The following MAD1L1 variants were observed in gnomAD, a reference collection of about 807,000 sequenced individuals.
The protein encoded by MAD1L1 is mitotic arrest deficient 1 like 1, also known as mitotic spindle assembly checkpoint protein MAD1.
MAD1L1 carries 95 observed loss-of-function variants against 96.9 expected under a neutral mutation model. That is an observed-to-expected ratio of 0.98 (90% CI 0.83 to 1.16). MAD1L1 has a LOEUF of 1.16. Among genes scored for constraint, MAD1L1 ranks in the 50% most tolerant of loss-of-function variants. The pLI, the probability that MAD1L1 is intolerant of heterozygous loss-of-function variation, is 0.00. For synonymous variants in MAD1L1, 473 were observed against 396.6 expected, an observed-to-expected ratio of 1.19 and a Z score of -2.29; for missense variants, 1,007 against 954.4, an observed-to-expected ratio of 1.06 and a Z score of -0.73.
chr7:1,963,882 G>A (rs541424555), intron 15 of MAD1L1, among the ~76,000 whole-genome samples: 2 of 152,296 alleles, frequency 1.3e-5, no homozygotes, highest in Admixed American at 6.5e-5. Flanking sequence ...ACCGTCTCTC[G>A]GCAGGGTGGC....
chr7:1,971,487 TTTATG>T (rs1426701792), intron 15 of MAD1L1, among the ~76,000 whole-genome samples: 7 of 152,098 alleles, frequency 4.6e-5, no homozygotes. Context: ...TGGGGAAGTG[TTTATG>T]TTATAATATA....
At chr7:2,187,129 C>T (rs1024610619) in intron 10 of MAD1L1, among the ~76,000 whole-genome samples, 1 of 151,998 alleles carries the variant, frequency 6.6e-6, no homozygotes, top group African/African-American at 2.4e-5. Flanking sequence ...AAGTGGATCA[C>T]TTGAGGTCAG....
intron 12 of MAD1L1, among the ~76,000 whole-genome samples, chr7:2,016,414 C>T (rs1014645394): frequency 5.3e-5 from 8 of 152,212 alleles, no homozygotes; most frequent in African/African-American, 1.7e-4. Context: ...AAGACCCCCA[C>T]CCAGAAGCGG....
At chr7:2,149,978 C>T (rs1052309634) in intron 10 of MAD1L1, among the ~76,000 whole-genome samples, 1 of 152,230 alleles carries the variant, frequency 6.6e-6, no homozygotes, top group Non-Finnish European at 1.5e-5. Context: ...TAGACTGACC[C>T]AGTGGCATGT....
At chr7:2,199,581 T>G (rs1321438033) in intron 10 of MAD1L1, among the ~76,000 whole-genome samples, 1 of 152,272 alleles carries the variant, frequency 6.6e-6, no homozygotes, top group Non-Finnish European at 1.5e-5. Flanking sequence ...TTTCGATTCC[T>G]AAATCAGCAG....
chr7:2,157,269 C>A (rs948074940), intron 10 of MAD1L1, among the ~76,000 whole-genome samples: 1 of 152,198 alleles, frequency 6.6e-6, no homozygotes, highest in African/African-American at 2.4e-5. Context: ...CCTGGCTCCA[C>A]TGACCACTCC....
intron 16 of MAD1L1, among the ~76,000 whole-genome samples, chr7:1,956,800 C>A (rs1032357051): frequency 1.3e-5 from 2 of 152,266 alleles, no homozygotes; most frequent in Non-Finnish European, 2.9e-5. Context: ...ACCGCACTCA[C>A]CCACACCCCT....
intron 18 of MAD1L1, among the ~76,000 whole-genome samples, chr7:1,882,816 T>C (rs975136840): frequency 1.3e-5 from 2 of 152,204 alleles, no homozygotes; most frequent in African/African-American, 4.8e-5. Flanking sequence ...GTGACTCTGA[T>C]CCTGGGTCGG....
chr7:2,215,627 C>T (rs1008537538), intron 9 of MAD1L1, among the ~76,000 whole-genome samples: 1 of 152,152 alleles, frequency 6.6e-6, no homozygotes, highest in Non-Finnish European at 1.5e-5. Context: ...CTCTGAGCCC[C>T]CAGGATGGCC....
At chr7:1,976,201 C>G (rs1393300751) in intron 15 of MAD1L1, among the ~76,000 whole-genome samples, 1 of 152,232 alleles carries the variant, frequency 6.6e-6, no homozygotes, top group Non-Finnish European at 1.5e-5. Flanking sequence ...CATCCCTGGT[C>G]CTCCTGTGTC....
chr7:1,863,324 G>A (rs556204841), intron 18 of MAD1L1, among the ~76,000 whole-genome samples: 4 of 152,272 alleles, frequency 2.6e-5, no homozygotes, highest in Non-Finnish European at 4.4e-5. Context: ...GTGAGGGTCC[G>A]CAGAGAGCCT....
chr7:2,006,816 G>A (rs1782054136), intron 13 of MAD1L1, among the ~76,000 whole-genome samples: 1 of 152,216 alleles, frequency 6.6e-6, no homozygotes, highest in African/African-American at 2.4e-5. Context: ...TTGGGGGACA[G>A]GCTCTCATGG....
chr7:2,161,155 G>A (rs1289579474), intron 10 of MAD1L1, among the ~76,000 whole-genome samples: 5 of 1,906 alleles, frequency 2.6e-3, no homozygotes, highest in Non-Finnish European at 5.0e-3. Flanking sequence ...CTCTGATGCC[G>A]AGCCGAGGCT....
chr7:1,840,535 G>A (rs1214838485), intron 18 of MAD1L1, among the ~76,000 whole-genome samples: 1 of 152,100 alleles, frequency 6.6e-6, no homozygotes, highest in Non-Finnish European at 1.5e-5. Flanking sequence ...TTCCAGACCA[G>A]CCTGGCCAAC....
chr7:2,231,116 T>C (rs534188431), intron 1 of MAD1L1, among the ~76,000 whole-genome samples: 2 of 152,102 alleles, frequency 1.3e-5, no homozygotes, highest in South Asian at 2.1e-4. Context: ...ATGGCCAACA[T>C]GGCAAAACCC....
At chr7:1,887,313 G>A (rs1184187061) in intron 18 of MAD1L1, among the ~76,000 whole-genome samples, 1 of 152,090 alleles carries the variant, frequency 6.6e-6, no homozygotes, top group Admixed American at 6.5e-5. Context: ...GCATGTGTGT[G>A]CATGCATGCG....
chr7:1,978,956 C>A (rs1780770782), intron 15 of MAD1L1, among the ~76,000 whole-genome samples: 1 of 152,228 alleles, frequency 6.6e-6, no homozygotes, highest in Admixed American at 6.5e-5. Context: ...TAAGGCACAG[C>A]CCATGCATGA....
intron 13 of MAD1L1, among the ~76,000 whole-genome samples, chr7:2,013,701 G>A (rs1000427933): frequency 5.9e-5 from 9 of 152,266 alleles, no homozygotes; most frequent in South Asian, 2.1e-4. Context: ...CTGTGCCCAC[G>A]GAGAAGTGGT....
intron 14 of MAD1L1, among the ~76,000 whole-genome samples, chr7:1,987,458 C>G (rs557223349): frequency 6.6e-6 from 1 of 152,290 alleles, no homozygotes; most frequent in African/African-American, 2.4e-5. Flanking sequence ...CCGGATGAAG[C>G]GAAGAGAGCC....
Sources: gnomAD v4.1 joint callset for allele counts (sites outside exome capture counted in the v4.1 genomes callset) on GRCh38, gnomAD v4.1.1 for gene constraint, MANE v1.5 for transcripts, NCBI Gene and HGNC (gene_info 2026-07-23, HGNC 2026-07-21) for gene names.